The following OSBP variants were observed in gnomAD, a reference collection of about 807,000 sequenced individuals.
The protein encoded by OSBP is oxysterol binding protein.
OSBP carries 32 observed loss-of-function variants against 96.6 expected under a neutral mutation model. The ratio of observed to expected loss-of-function variants is 0.33; its 90% confidence interval spans 0.25 to 0.45. The LOEUF (loss-of-function observed/expected upper bound fraction) is 0.45. Ranked by LOEUF, OSBP falls within the 20% of genes least tolerant of loss-of-function variation. OSBP has a pLI of 1.00. For synonymous variants in OSBP, 369 were observed against 389.6 expected (o/e 0.95, Z 0.62); for missense variants, 653 against 1,029.7 (o/e 0.63, Z 5.01).
chr11:59,594,344 T>C, intron 7 of OSBP, 89 bp from the exon 8 acceptor site: 1 of 1,329,000 alleles, frequency 7.5e-7, no homozygotes, highest in South Asian at 1.3e-5. Context: ...AATAAATCAC[T>C]GGGAAAAGAG....
intron 12 of OSBP, among the ~76,000 whole-genome samples, chr11:59,577,605 G>A (rs1039345677): frequency 1.3e-5 from 2 of 152,144 alleles, no homozygotes; most frequent in African/African-American, 4.8e-5. Context: ...TCATCCTCAT[G>A]CCTCAGCCTC....
At chr11:59,592,190 G>T (rs1250521277) in intron 9 of OSBP, among the ~76,000 whole-genome samples, 1 of 152,178 alleles carries the variant, frequency 6.6e-6, no homozygotes, top group Non-Finnish European at 1.5e-5. Flanking sequence ...AGACAATTAA[G>T]CATGTAGAAG....
intron 3 of OSBP, among the ~76,000 whole-genome samples, chr11:59,604,796 A>G (rs565003378): frequency 5.7e-4 from 87 of 151,894 alleles, no homozygotes; most frequent in African/African-American, 2.0e-3. Context: ...TCAAGGCTGC[A>G]GTGAGCTATG....
chr11:59,578,059 T>A (rs938142610), intron 12 of OSBP, 90 bp downstream of exon 12: 2 of 1,203,564 alleles, frequency 1.7e-6, no homozygotes, highest in African/African-American at 3.0e-5. Flanking sequence ...CCCCACATAA[T>A]TAAGTGAGAG....
At chr11:59,613,565 G>A (rs570434801) in intron 1 of OSBP, among the ~76,000 whole-genome samples, 46 of 152,156 alleles carry the variant, frequency 3.0e-4, no homozygotes, top group African/African-American at 1.0e-3. Flanking sequence ...CACAAGTCAG[G>A]ATATAAATCA....
Position 59,608,594 on chromosome 11 carries a change from A to G in OSBP, c.712T>C (p.Ser238Pro), listed in dbSNP as rs1860810652. 1 of 1,614,016 alleles carries G rather than the reference A, an allele frequency of 6.2e-7. No homozygotes were observed. The highest frequency in any genetic ancestry group is 8.5e-7 in the Non-Finnish European group (1 of 1,180,002). The part of the protein sequence containing the change: ...IAKHGTALQR[S>P]LSELESLKLP... ...TTCAGGGACTCCAGCTCACTGAGAG[A>G]ACGCTGCAGAGCTGTGCCATGCTTA... Residue 238 changes from serine (S) to proline (P), a missense_variant, in exon 3 of 14, where the codon TCT (serine) becomes CCT (proline). By Grantham distance (74) the Ser-to-Pro change is moderately conservative (BLOSUM62 -1). Around this residue, in one of 6 missense-constraint regions of OSBP, gnomAD observed 308 missense variants for 573.1 expected, o/e 0.54. Coordinates refer to ENST00000263847, the MANE Select transcript of OSBP (RefSeq NM_002556.3).
In OSBP at chr11:59,615,770, T is replaced by TCCCCG. The variant is rs1055561745; in HGVS notation, c.-107_-106insCGGGG. 103 of 1,207,158 alleles carry TCCCCG rather than the reference T, an allele frequency of 8.5e-5. No homozygotes were observed. Among genetic ancestry groups the TCCCCG allele is most frequent in the African/African-American group, 2.2e-4 (14 of 62,778 alleles). The allele number at this position is 1,207,158 out of a possible 1,614,324, so 74.8% of individuals were successfully genotyped here. A position where few individuals can be genotyped will look rare whatever the true frequency, so the allele number is the denominator to read the frequency against. ...CCGCATCAGCCACCGCCGCGCAGCGTCCCCGCCCCGCCCGGCCAGCCGCGG... is the reference window on the plus strand; with the variant it reads ...CCGCATCAGCCACCGCCGCGCAGCGTCCCCGCCCCGCCCCGCCCGGCCAGCCGCGG... On this transcript the variant is annotated 5_prime_UTR_variant, in exon 1 of 14. Transcript: ENST00000263847.
intron 10 of OSBP, among the ~76,000 whole-genome samples, chr11:59,580,713 CTCACTA>C (rs1860410748): frequency 6.6e-6 from 1 of 151,806 alleles, no homozygotes; most frequent in South Asian, 2.1e-4. Flanking sequence ...GAGACAAGGT[CTCACTA>C]TATTGCCCAG....
intron 7 of OSBP, among the ~76,000 whole-genome samples, chr11:59,597,604 A>G (rs1335317091): frequency 6.6e-6 from 1 of 151,970 alleles, no homozygotes; most frequent in Non-Finnish European, 1.5e-5. Flanking sequence ...CAGTGGTGAG[A>G]TCATGGCTCA....
intron 12 of OSBP, 44 bp downstream of exon 12, chr11:59,578,105 C>A: frequency 6.3e-7 from 1 of 1,583,858 alleles, no homozygotes; most frequent in South Asian, 1.1e-5. Context: ...GCTCCACAGT[C>A]AAGGTCAAAG....
intron 3 of OSBP, among the ~76,000 whole-genome samples, chr11:59,606,765 A>G (rs1041044425): frequency 6.6e-6 from 1 of 152,242 alleles, no homozygotes; most frequent in African/African-American, 2.4e-5. Flanking sequence ...GTGATGCTCT[A>G]GCATGTTAAT....
Position 59,576,351 on chromosome 11 carries a change from T to C in OSBP, c.*226A>G. The C allele has an allele frequency of 1.9e-6, 1 of 530,416 alleles. No individual in the cohort carries two copies. The highest frequency in any genetic ancestry group is 3.3e-6 in the Non-Finnish European group (1 of 300,420). 32.9% of individuals were successfully genotyped at this position (530,416 alleles called of 1,614,324 possible). ...AACCTTCGGCCACTAAACCTCTCCC[T>C]TACAGACATAGTATCTCCTATGTCG... On this transcript the variant is annotated 3_prime_UTR_variant, in exon 14 of 14. Transcript: ENST00000263847.
chr11:59,585,609 C>T (rs1451291484), intron 9 of OSBP, among the ~76,000 whole-genome samples: 28 of 152,216 alleles, frequency 1.8e-4, no homozygotes, highest in Middle Eastern at 3.4e-3. Flanking sequence ...TCTGCCCAGC[C>T]GCCCCTACTG....
In OSBP at chr11:59,593,722, C is replaced by T; in HGVS notation, c.1560G>A (p.Val520=). The part of the protein sequence containing the change: ...ENGYRSLCEQ[V]SHHPPAAAHH... ...GCGCAGCAGCAGGGGGATGATGACT[C>T]ACCTTGAAGAAATCAGGTTCAAATT... The change falls in exon 9 of 14, where the codon GTG becomes GTA. Residue 520 remains valine, a splice_region_variant and synonymous_variant. Coordinates refer to ENST00000263847, the MANE Select transcript of OSBP (RefSeq NM_002556.3). 1.2e-6 allele frequency: 2 copies of T among 1,614,076 alleles called. No individual in the cohort carries two copies. Among genetic ancestry groups the T allele is most frequent in the Non-Finnish European group, 1.7e-6 (2 of 1,179,994 alleles).
chr11:59,600,762 T>C (rs530894150), intron 6 of OSBP, 57 bp downstream of exon 6: 1 of 1,311,482 alleles, frequency 7.6e-7, no homozygotes. Flanking sequence ...AAAAAAAAAA[T>C]CCTTGGGAAT....
chr11:59,583,559 C>T (rs1276323650), intron 9 of OSBP, among the ~76,000 whole-genome samples: 1 of 151,668 alleles, frequency 6.6e-6, no homozygotes, highest in Non-Finnish European at 1.5e-5. Context: ...CTATGGTCTC[C>T]TCATGCATTA....
Position 59,608,676 on chromosome 11 carries a change from G to T in OSBP, c.630C>A (p.Thr210=), listed in dbSNP as rs550225261. Residue 210 remains threonine (T), a synonymous_variant, in exon 3 of 14, where the codon ACC becomes ACA. Transcript: ENST00000263847. The stretch of plus-strand genomic sequence containing the variant: ...CTACTTTGCTAGAGAGGGTCCGAAG[G>T]GTATTCTGCAGCTCAGTCTTGTCAG... ...SQTDKTELQN[T]LRTLSSKVED... 1.2e-6 allele frequency: 2 copies of T among 1,613,936 alleles called. No homozygotes were observed. The highest frequency in any genetic ancestry group is 1.3e-5 in the African/African-American group (1 of 75,012).
intron 3 of OSBP, among the ~76,000 whole-genome samples, chr11:59,603,049 T>C (rs1277687460): frequency 1.3e-5 from 2 of 152,214 alleles, no homozygotes; most frequent in African/African-American, 4.8e-5. Flanking sequence ...AAATGCTACT[T>C]TGTGACATCT....
chr11:59,601,875 A>G (rs575053506), intron 3 of OSBP, 37 bp from the exon 4 acceptor site: 2 of 1,589,100 alleles, frequency 1.3e-6, no homozygotes, highest in East Asian at 2.2e-5. Context: ...CAGCTCAACT[A>G]GTCAGAGTTT....
Sources: allele counts gnomAD v4.1 joint callset (sites outside exome capture counted in the v4.1 genomes callset), GRCh38; gene constraint gnomAD v4.1.1; regional missense constraint gnomAD v4.1.1; transcripts MANE v1.5; gene names NCBI Gene and HGNC (gene_info 2026-07-23, HGNC 2026-07-21).